The following GALNTL5 variants were observed in gnomAD, a reference collection of about 807,000 sequenced individuals.
GALNTL5 encodes the protein inactive polypeptide N-acetylgalactosaminyltransferase-like protein 5.
In GALNTL5, 44 loss-of-function variants were observed where a neutral mutation model predicts 51.0. That is an observed-to-expected ratio of 0.86 (90% CI 0.68 to 1.11). The LOEUF (loss-of-function observed/expected upper bound fraction) is 1.11. Among genes scored for constraint, GALNTL5 ranks in the 50% least tolerant of loss-of-function variants. The probability of loss-of-function intolerance (pLI) is 0.00; values close to 1 mark genes in which losing one functional copy is unlikely to be tolerated. For synonymous variants in GALNTL5, 192 were observed against 182.8 expected (o/e 1.05, Z -0.41); for missense variants, 528 against 531.8 (o/e 0.99, Z 0.07).
intron 2 of GALNTL5, among the ~76,000 whole-genome samples, chr7:151,967,851 C>T (rs1282436379): frequency 6.6e-6 from 1 of 152,130 alleles, no homozygotes. Flanking sequence ...GTATGTCTTT[C>T]CACTTCCTCT....
intron 5 of GALNTL5, among the ~76,000 whole-genome samples, chr7:151,990,126 T>C (rs2081408925): frequency 6.6e-6 from 1 of 151,944 alleles, no homozygotes; most frequent in Non-Finnish European, 1.5e-5. Context: ...CACTGCAACC[T>C]TCGCCTCCTG....
chr7:151,971,099 A>G (rs2081130025), intron 3 of GALNTL5, 34 bp downstream of exon 3: 2 of 1,012,396 alleles, frequency 2.0e-6, no homozygotes, highest in Non-Finnish European at 2.9e-6. Context: ...CATTCTCTAG[A>G]TAGATAGATA....
intron 5 of GALNTL5, chr7:151,994,991 T>C (rs989568880): frequency 5.3e-5 from 8 of 152,148 alleles, no homozygotes; most frequent in African/African-American, 1.9e-4. Context: ...TCTCCTGACC[T>C]CGTGATCCGC....
rs1331142646 is a variant in GALNTL5, at chr7:151,971,054, C to T, written c.357C>T (p.Thr119=). The T allele has an allele frequency of 1.2e-6, 2 of 1,608,886 alleles. No homozygotes were observed. The highest frequency in any genetic ancestry group is 2.2e-5 in the East Asian group (1 of 44,604). The change falls in exon 3 of 9, where the codon ACC becomes ACT. Residue 119 remains threonine (T), a synonymous_variant. Coordinates refer to ENST00000392800, the MANE Select transcript of GALNTL5 (RefSeq NM_145292.4). ...SLGIEREVPD[T]RSKMCLQKHY... ...GCATCGAAAGAGAAGTGCCAGATAC[C>T]AGGAGTAAAATGTATGTTGTCTCTC...
At chr7:151,959,161 T>A (rs887996197) in intron 1 of GALNTL5, among the ~76,000 whole-genome samples, 3 of 152,212 alleles carry the variant, frequency 2.0e-5, no homozygotes, top group Non-Finnish European at 4.4e-5. Context: ...TTTGTCTGTC[T>A]CCTGTTGCTA....
chr7:151,963,188 G>A (rs1055642511), intron 1 of GALNTL5, among the ~76,000 whole-genome samples: 1 of 152,150 alleles, frequency 6.6e-6, no homozygotes, highest in Non-Finnish European at 1.5e-5. Flanking sequence ...CATTCTGTGG[G>A]CCCCTTTAGT....
At chr7:151,982,279 TG>T (rs1207364735) in intron 3 of GALNTL5, among the ~76,000 whole-genome samples, 1 of 151,988 alleles carries the variant, frequency 6.6e-6, no homozygotes, top group Non-Finnish European at 1.5e-5. Flanking sequence ...CCAGGCATGG[TG>T]GTGCATGCCT....
chr7:151,987,201 G>C lies in GALNTL5; in HGVS notation c.578G>C (p.Arg193Pro), dbSNP rs767171250. The C allele has an allele frequency of 2.9e-5, 47 of 1,595,658 alleles. No individual in the cohort carries two copies. Among genetic ancestry groups the C allele is most frequent in the Non-Finnish European group, 3.9e-5 (46 of 1,173,884 alleles). The change falls in exon 5 of 9, where the codon CGG becomes CCG. Residue 193 changes from arginine (R) to proline (P), a missense_variant. Transcript: ENST00000392800. The stretch of plus-strand genomic sequence containing the variant: ...CTAGACTATCACCTGGAAACTTTTC[G>C]GGGAAAGGTTAAAATAATAAGAAAC... Reference protein sequence around the residue: ...EKLDYHLETFRGKVKIIRNKK... With the variant: ...EKLDYHLETFPGKVKIIRNKK...
intron 8 of GALNTL5, among the ~76,000 whole-genome samples, chr7:152,016,994 C>T (rs2081825003): frequency 1.3e-5 from 2 of 148,944 alleles, no homozygotes; most frequent in African/African-American, 2.5e-5. Context: ...GCCAAGATCA[C>T]ACCACCGCAC....
chr7:151,969,214 G>A (rs962705115), intron 2 of GALNTL5, among the ~76,000 whole-genome samples: 1 of 151,974 alleles, frequency 6.6e-6, no homozygotes, highest in Non-Finnish European at 1.5e-5. Context: ...TATGATTTAT[G>A]GTTTTTATGT....
intron 1 of GALNTL5, among the ~76,000 whole-genome samples, chr7:151,965,853 C>G (rs1192353958): frequency 2.0e-5 from 3 of 152,074 alleles, no homozygotes; most frequent in Admixed American, 1.3e-4. Flanking sequence ...TGCCACTGCA[C>G]TCTAGCCTGG....
At chr7:151,980,060 T>G (rs2081259862) in intron 3 of GALNTL5, among the ~76,000 whole-genome samples, 1 of 152,198 alleles carries the variant, frequency 6.6e-6, no homozygotes, top group Non-Finnish European at 1.5e-5. Context: ...TCTCTCCTAC[T>G]TTCTGTCTCT....
At chr7:151,980,970 C>G (rs1440377512) in intron 3 of GALNTL5, among the ~76,000 whole-genome samples, 3 of 151,950 alleles carry the variant, frequency 2.0e-5, no homozygotes, top group African/African-American at 4.8e-5. Flanking sequence ...TGGTCTCGAT[C>G]TCCTGACCTC....
intron 3 of GALNTL5, among the ~76,000 whole-genome samples, chr7:151,971,496 ATTG>A (rs1240346902): frequency 1.3e-5 from 2 of 152,198 alleles, no homozygotes; most frequent in African/African-American, 4.8e-5. Context: ...TAACATAATC[ATTG>A]TTATGTGATA....
chr7:152,007,670 G>A (rs369475087), intron 6 of GALNTL5, among the ~76,000 whole-genome samples, 157 bp from the exon 7 acceptor site: 4 of 151,942 alleles, frequency 2.6e-5, no homozygotes, highest in African/African-American at 7.2e-5. Context: ...CACCCGCCTC[G>A]GCCTCCCAAA....
chr7:152,019,034 A>C (rs1268705522), intron 8 of GALNTL5, among the ~76,000 whole-genome samples: 1 of 152,208 alleles, frequency 6.6e-6, no homozygotes, highest in African/African-American at 2.4e-5. Context: ...CTTAAGTCAG[A>C]GCACACAAAA....
chr7:151,983,801 G>A (rs527256146), intron 4 of GALNTL5, among the ~76,000 whole-genome samples: 3 of 152,346 alleles, frequency 2.0e-5, no homozygotes, highest in Non-Finnish European at 2.9e-5. Flanking sequence ...AAGCAGCATC[G>A]TAAAGGCCCA....
At chr7:151,997,329 C>T (rs995200155) in intron 5 of GALNTL5, among the ~76,000 whole-genome samples, 3 of 152,150 alleles carry the variant, frequency 2.0e-5, no homozygotes, top group Non-Finnish European at 4.4e-5. Flanking sequence ...ATAAATAGCA[C>T]GGTCCTTCCC....
intron 5 of GALNTL5, among the ~76,000 whole-genome samples, chr7:151,996,426 T>A (rs2081501393): frequency 6.8e-6 from 1 of 147,436 alleles, no homozygotes; most frequent in African/African-American, 2.5e-5. Context: ...TGAACATCAA[T>A]ACCAAAAAAT....
Sources: allele counts gnomAD v4.1 joint callset (sites outside exome capture counted in the v4.1 genomes callset), GRCh38; gene constraint gnomAD v4.1.1; transcripts MANE v1.5; gene names NCBI Gene and HGNC (gene_info 2026-07-23, HGNC 2026-07-21).